Variants in FSTL5 observed in about 807,000 individuals in gnomAD.
The protein encoded by FSTL5 is follistatin-related protein 5.
Under a neutral mutation model 89.1 loss-of-function variants are expected in FSTL5, and 62 were observed. The observed-to-expected ratio is 0.70, with a 90% CI of 0.57 to 0.86. The LOEUF is 0.86. Among genes scored for constraint, FSTL5 ranks in the 40% least tolerant of loss-of-function variants. The probability of loss-of-function intolerance (pLI) is 0.00; values close to 1 mark genes in which losing one functional copy is unlikely to be tolerated. For missense variants in FSTL5, 1,057 were observed against 1,001.6 expected, an observed-to-expected ratio of 1.06 and a Z score of -0.75; for synonymous variants, 383 against 346.2, an observed-to-expected ratio of 1.11 and a Z score of -1.18.
intron 15 of FSTL5, 56 bp downstream of exon 15, chr4:161,454,948 T>C (rs1315742418): frequency 2.0e-6 from 3 of 1,514,662 alleles, no homozygotes; most frequent in Non-Finnish European, 2.7e-6. Context: ...TCACATGGCT[T>C]TCTATTATAA....
chr4:161,874,942 C>T (rs1024007802), intron 4 of FSTL5, among the ~76,000 whole-genome samples: 2 of 152,092 alleles, frequency 1.3e-5, no homozygotes, highest in African/African-American at 4.8e-5. Context: ...CATATATACA[C>T]ACACACACGC....
intron 4 of FSTL5, among the ~76,000 whole-genome samples, chr4:161,862,268 T>C (rs1302547968): frequency 6.6e-6 from 1 of 152,218 alleles, no homozygotes. Context: ...AGCCTATAAT[T>C]ATTCAGCAAT....
rs576379383 is a variant in FSTL5, at chr4:161,862,722, C to T, written c.409+57682G>A. On this transcript the variant is annotated intron_variant, in intron 4 of 15. Transcript: ENST00000306100. ...ACTCCACCCTGGTGACAGAGAGAGACTCCATCTCAAAAAATAAATAAATAA... is the reference window on the plus strand; with the variant it reads ...ACTCCACCCTGGTGACAGAGAGAGATTCCATCTCAAAAAATAAATAAATAA... Among the ~76,000 whole-genome samples the T allele has an allele frequency of 3.3e-5, 5 of 152,150 alleles. No homozygotes were observed. In the East Asian group the frequency reaches 9.7e-4, roughly 29 times the overall value.
intron 2 of FSTL5, among the ~76,000 whole-genome samples, chr4:162,075,474 T>C (rs1310629105): frequency 2.0e-5 from 3 of 151,838 alleles, no homozygotes; most frequent in Non-Finnish European, 2.9e-5. Flanking sequence ...CTGAGGCAGA[T>C]GTAGAGACAG....
At chr4:162,076,535 A>G (rs1374201880) in intron 2 of FSTL5, among the ~76,000 whole-genome samples, 4 of 151,902 alleles carry the variant, frequency 2.6e-5, no homozygotes, top group African/African-American at 4.8e-5. Context: ...TTCAGCTGTG[A>G]GACAAACCCA....
At chr4:161,459,801 C>T (rs1733496793) in intron 13 of FSTL5, among the ~76,000 whole-genome samples, 1 of 152,004 alleles carries the variant, frequency 6.6e-6, no homozygotes, top group Admixed American at 6.6e-5. Context: ...AAAATGCCAA[C>T]AATCTGATAT....
chr4:161,942,009 T>C (rs575995770), intron 3 of FSTL5, among the ~76,000 whole-genome samples: 3 of 151,992 alleles, frequency 2.0e-5, no homozygotes, highest in South Asian at 2.1e-4. Flanking sequence ...TTCAGAAATG[T>C]AGGAATTTAA....
chr4:161,786,401 T>C (rs1163801885), intron 4 of FSTL5, among the ~76,000 whole-genome samples: 2 of 152,104 alleles, frequency 1.3e-5, no homozygotes, highest in African/African-American at 4.8e-5. Context: ...AGATGTAACC[T>C]GCAGAAAGCC....
At chr4:161,618,974 A>G (rs1735002763) in intron 7 of FSTL5, among the ~76,000 whole-genome samples, 2 of 152,236 alleles carry the variant, frequency 1.3e-5, no homozygotes, top group African/African-American at 2.4e-5. Context: ...ACAGCATGGT[A>G]CTGGTACCAA....
At position 161,845,254 on chromosome 4, in the gene FSTL5, CATT is replaced by C. The variant is rs138812455; in HGVS notation, c.410-69183_410-69181del. Among the ~76,000 whole-genome samples, 1,118 of 152,200 alleles carry C rather than the reference CATT, an allele frequency of 7.3e-3. 14 individuals carry two copies. Among genetic ancestry groups the C allele is most frequent in the African/African-American group, 0.025 (1,033 of 41,526 alleles). ...TAAATATCTTTAAAACCAAATAAAA[CATT>C]GTTGTTTTTTTTGTTTGAGTTTTGT... On this transcript the variant is annotated intron_variant, in intron 4 of 15. Transcript: ENST00000306100.
At chr4:161,930,212 C>A (rs908478343) in intron 3 of FSTL5, among the ~76,000 whole-genome samples, 1 of 151,784 alleles carries the variant, frequency 6.6e-6, no homozygotes, top group Non-Finnish European at 1.5e-5. Flanking sequence ...GACATCACAG[C>A]TGAATTTAAG....
intron 7 of FSTL5, among the ~76,000 whole-genome samples, chr4:161,639,343 A>T (rs1484927020): frequency 6.6e-6 from 1 of 152,182 alleles, no homozygotes; most frequent in Non-Finnish European, 1.5e-5. Flanking sequence ...TGCATAAGCT[A>T]CCTATCCTTC....
At chr4:161,431,010 AG>A (rs146583288) in intron 15 of FSTL5, among the ~76,000 whole-genome samples, 13,701 of 152,154 alleles carry the variant, frequency 0.09, 665 homozygotes, top group Non-Finnish European at 0.12. Context: ...GATAATAAAA[AG>A]CTGAGGGATT....
chr4:161,488,942 T>G lies in FSTL5; in HGVS notation c.1459-7773A>C, dbSNP rs1729774674. On this transcript the variant is annotated intron_variant, in intron 12 of 15. Transcript: ENST00000306100. The stretch of plus-strand genomic sequence containing the variant: ...ATCTGGCGTTTGGCAGTCCCGTGAC[T>G]GAGCAAATCACTTGATCTTTCTCAT... Among the ~76,000 whole-genome samples the G allele has an allele frequency of 3.9e-5, 6 of 152,294 alleles. No individual in the cohort carries two copies. In the South Asian group the frequency reaches 1.2e-3, roughly 32 times the overall value.
intron 15 of FSTL5, among the ~76,000 whole-genome samples, chr4:161,447,045 T>A (rs1414151910): frequency 6.6e-6 from 1 of 152,022 alleles, no homozygotes; most frequent in African/African-American, 2.4e-5. Flanking sequence ...AGATGGACAA[T>A]CCTGTTTTAC....
chr4:162,120,318 G>T (rs906907189), intron 1 of FSTL5, among the ~76,000 whole-genome samples: 1 of 152,006 alleles, frequency 6.6e-6, no homozygotes, highest in Non-Finnish European at 1.5e-5. Context: ...ACTTACGAAA[G>T]CCCCACATTA....
intron 7 of FSTL5, among the ~76,000 whole-genome samples, chr4:161,609,473 A>G (rs1298520356): frequency 5.9e-5 from 9 of 152,140 alleles, no homozygotes; most frequent in Non-Finnish European, 1.3e-4. Context: ...AAATATCCAT[A>G]AACACTTAAA....
intron 10 of FSTL5, among the ~76,000 whole-genome samples, chr4:161,512,338 A>G (rs1036434427): frequency 6.6e-6 from 1 of 152,122 alleles, no homozygotes; most frequent in African/African-American, 2.4e-5. Context: ...GTGCCCATAG[A>G]ACCTATATTC....
chr4:161,469,207 T>C (rs149257825), intron 13 of FSTL5, among the ~76,000 whole-genome samples: 1 of 152,210 alleles, frequency 6.6e-6, no homozygotes, highest in African/African-American at 2.4e-5. Context: ...ATTTCACTTA[T>C]CATAATGTCC....
Sources: gnomAD v4.1 joint callset for allele counts (sites outside exome capture counted in the v4.1 genomes callset) on GRCh38, gnomAD v4.1.1 for gene constraint, MANE v1.5 for transcripts, NCBI Gene and HGNC (gene_info 2026-07-23, HGNC 2026-07-21) for gene names.